Variants in CDK14 observed in about 807,000 individuals in gnomAD.
CDK14 encodes the protein cyclin-dependent kinase 14.
Under a neutral mutation model 60.7 loss-of-function variants are expected in CDK14, and 34 were observed. The observed-to-expected ratio is 0.56, with a 90% CI of 0.43 to 0.75. The LOEUF (loss-of-function observed/expected upper bound fraction) is 0.75, where lower values mean the gene tolerates loss of function less well. CDK14 is among the 30% of genes least tolerant of loss of function. The probability of loss-of-function intolerance (pLI) is 0.00; values close to 1 mark genes in which losing one functional copy is unlikely to be tolerated. For missense variants in CDK14, 482 were observed against 564.1 expected, an observed-to-expected ratio of 0.85 and a Z score of 1.47; for synonymous variants, 197 against 203.7, an observed-to-expected ratio of 0.97 and a Z score of 0.28.
At chr7:90,664,886 A>G (rs996774222) in intron 2 of CDK14, among the ~76,000 whole-genome samples, 1 of 152,150 alleles carries the variant, frequency 6.6e-6, no homozygotes, top group Non-Finnish European at 1.5e-5. Flanking sequence ...ACGTGTATAC[A>G]TATGTAACAA....
chr7:90,686,322 TA>T (rs1176149631), intron 2 of CDK14, among the ~76,000 whole-genome samples: 9 of 152,192 alleles, frequency 5.9e-5, no homozygotes, highest in African/African-American at 2.2e-4. Context: ...TTTTTCCAAT[TA>T]GGGAAGATTT....
At chr7:90,736,070 T>C (rs1474291228) in intron 3 of CDK14, among the ~76,000 whole-genome samples, 1 of 152,064 alleles carries the variant, frequency 6.6e-6, no homozygotes, top group Non-Finnish European at 1.5e-5. Context: ...TTCACTTGGC[T>C]GGGGGAGGGA....
intron 14 of CDK14, among the ~76,000 whole-genome samples, chr7:91,187,608 C>T (rs11972397): frequency 0.075 from 11,475 of 152,124 alleles, 1,222 homozygotes; most frequent in East Asian, 0.48. Flanking sequence ...CACAGACACA[C>T]ACGAGGAGTG....
chr7:90,711,655 G>A (rs578045102), intron 2 of CDK14, among the ~76,000 whole-genome samples: 103 of 152,216 alleles, frequency 6.8e-4, no homozygotes, highest in African/African-American at 2.0e-3. Flanking sequence ...TGTAAAGGAA[G>A]TATGGATGAA....
At chr7:90,622,360 A>C (rs976995259) in intron 2 of CDK14, among the ~76,000 whole-genome samples, 1 of 152,224 alleles carries the variant, frequency 6.6e-6, no homozygotes, top group African/African-American at 2.4e-5. Context: ...GTTTTTGCTT[A>C]GTAAATGTAT....
At chr7:90,982,108 A>G (rs1263540909) in intron 9 of CDK14, among the ~76,000 whole-genome samples, 2 of 152,128 alleles carry the variant, frequency 1.3e-5, no homozygotes, top group African/African-American at 4.8e-5. Context: ...GATTTACTGG[A>G]CTAACTTGCT....
At chr7:90,973,869 C>T (rs192654778) in intron 9 of CDK14, among the ~76,000 whole-genome samples, 54 of 152,194 alleles carry the variant, frequency 3.5e-4, no homozygotes, top group African/African-American at 8.7e-4. Flanking sequence ...CCACTGTGCA[C>T]GCATTGTCTT....
chr7:90,795,097 C>G (rs1047036247), intron 5 of CDK14, among the ~76,000 whole-genome samples: 1 of 152,078 alleles, frequency 6.6e-6, no homozygotes, highest in Non-Finnish European at 1.5e-5. Context: ...GAGCCCAAAC[C>G]CAACTATTTT....
At chr7:90,991,104 G>A (rs1795519879) in intron 10 of CDK14, among the ~76,000 whole-genome samples, 1 of 152,136 alleles carries the variant, frequency 6.6e-6, no homozygotes, top group Non-Finnish European at 1.5e-5. Context: ...CTTCAAATTT[G>A]GGGAATTAAG....
At chr7:90,733,527 G>C (rs994855903) in intron 3 of CDK14, among the ~76,000 whole-genome samples, 4 of 152,178 alleles carry the variant, frequency 2.6e-5, no homozygotes, top group African/African-American at 9.7e-5. Flanking sequence ...TATATATTTA[G>C]GATAGTTACC....
At chr7:91,152,320 G>T (rs1800850282) in intron 14 of CDK14, among the ~76,000 whole-genome samples, 1 of 152,066 alleles carries the variant, frequency 6.6e-6, no homozygotes, top group Non-Finnish European at 1.5e-5. Flanking sequence ...TATAATATCA[G>T]AAATTACTAT....
rs1212881786 is a variant in CDK14, at chr7:91,118,068, C to G, written c.1298C>G (p.Ser433Cys). 3 of 1,584,962 alleles carry G rather than the reference C, an allele frequency of 1.9e-6. No homozygotes were observed. Among genetic ancestry groups the G allele is most frequent in the Middle Eastern group, 1.7e-4 (1 of 6,006 alleles). Residue 433 changes from serine to cysteine, a missense_variant, in exon 14 of 15, where the codon TCT becomes TGT. Transcript: ENST00000380050. ...AAACTTCATATTCTGTCCACAGTGT[C>G]TTCTATTTTTACTGTCCCAAATGTG... ...PPRLWELTDMSSIFTVPNVRL... is the reference protein window; with the variant it reads ...PPRLWELTDMCSIFTVPNVRL...
chr7:90,915,216 C>T (rs762993878), intron 7 of CDK14, among the ~76,000 whole-genome samples: 66 of 152,116 alleles, frequency 4.3e-4, no homozygotes, highest in Non-Finnish European at 7.5e-4. Flanking sequence ...GCGGGCAGAT[C>T]ATGAGGTCAG....
At chr7:90,820,264 G>A (rs1267092168) in intron 5 of CDK14, among the ~76,000 whole-genome samples, 2 of 151,870 alleles carry the variant, frequency 1.3e-5, no homozygotes, top group African/African-American at 4.8e-5. Flanking sequence ...TGCTTCCTTG[G>A]GCATCCCACC....
chr7:90,837,154 G>A (rs1412818945), intron 5 of CDK14, among the ~76,000 whole-genome samples: 1 of 152,106 alleles, frequency 6.6e-6, no homozygotes, highest in African/African-American at 2.4e-5. Flanking sequence ...TGGACCGTAT[G>A]GCAATGATTA....
intron 5 of CDK14, among the ~76,000 whole-genome samples, chr7:90,855,414 T>A (rs998863158): frequency 1.3e-5 from 2 of 152,196 alleles, no homozygotes; most frequent in Non-Finnish European, 2.9e-5. Context: ...TTTAGCAAAT[T>A]CACTTGTAAT....
intron 2 of CDK14, among the ~76,000 whole-genome samples, chr7:90,637,581 T>G (rs2116426593): frequency 6.6e-6 from 1 of 151,802 alleles, no homozygotes; most frequent in South Asian, 2.1e-4. Context: ...GGAATAGGTG[T>G]GGTGTGGTGC....
chr7:90,933,880 A>G (rs982483629), intron 8 of CDK14, among the ~76,000 whole-genome samples: 3 of 152,234 alleles, frequency 2.0e-5, no homozygotes, highest in Non-Finnish European at 4.4e-5. Context: ...TGGAGAGTAG[A>G]TTGTCAACAA....
chr7:90,795,152 ACTAT>A (rs1806007133), intron 5 of CDK14, among the ~76,000 whole-genome samples: 1 of 152,206 alleles, frequency 6.6e-6, no homozygotes, highest in Admixed American at 6.5e-5. Flanking sequence ...TATATACCAA[ACTAT>A]CTAGGAATAC....
Sources: allele counts gnomAD v4.1 joint callset (sites outside exome capture counted in the v4.1 genomes callset), GRCh38; gene constraint gnomAD v4.1.1; transcripts MANE v1.5; gene names NCBI Gene and HGNC (gene_info 2026-07-23, HGNC 2026-07-21).